Variants in AKAP6 observed in about 807,000 individuals in gnomAD.
AKAP6 encodes A-kinase anchor protein 6.
A neutral mutation model predicts 188.5 loss-of-function variants in AKAP6; 58 were observed. The ratio of observed to expected loss-of-function variants is 0.31; its 90% CI spans 0.25 to 0.38. AKAP6 has a LOEUF of 0.38. Ranked by LOEUF, AKAP6 falls within the 10% of genes least tolerant of loss-of-function variation. The pLI, the probability that AKAP6 is intolerant of heterozygous loss-of-function variation, is 1.00. For missense variants in AKAP6, 2,710 were observed against 2,740.0 expected (o/e 0.99, Z 0.24); for synonymous variants, 989 against 998.6 (o/e 0.99, Z 0.18).
intron 1 of AKAP6, among the ~76,000 whole-genome samples, chr14:32,410,654 G>C (rs1056248111): frequency 1.3e-5 from 2 of 152,070 alleles, no homozygotes; most frequent in Non-Finnish European, 2.9e-5. Flanking sequence ...TTTTTTTAAA[G>C]ATTATTATTA....
intron 2 of AKAP6, among the ~76,000 whole-genome samples, chr14:32,466,411 T>A (rs1040250012): frequency 3.3e-5 from 5 of 152,042 alleles, no homozygotes; most frequent in Admixed American, 1.3e-4. Flanking sequence ...AAAGAATGAG[T>A]TCATGTCCTT....
chr14:32,421,903 G>T (rs1316335179), intron 1 of AKAP6, among the ~76,000 whole-genome samples: 3 of 152,132 alleles, frequency 2.0e-5, no homozygotes, highest in Non-Finnish European at 4.4e-5. Flanking sequence ...CAGGGAAGAG[G>T]GCTGGGGATC....
At chr14:32,444,704 CA>C (rs1890703189) in intron 2 of AKAP6, among the ~76,000 whole-genome samples, 2 of 151,724 alleles carry the variant, frequency 1.3e-5, no homozygotes, top group South Asian at 4.2e-4. Context: ...AGAAGTCTGA[CA>C]AACTGGCCTT....
At chr14:32,748,933 A>G (rs368392208) in intron 11 of AKAP6, among the ~76,000 whole-genome samples, 1 of 152,072 alleles carries the variant, frequency 6.6e-6, no homozygotes, top group African/African-American at 2.4e-5. Flanking sequence ...TTGCATTATG[A>G]GTGCACACAC....
At chr14:32,760,179 G>C (rs781211751) in intron 11 of AKAP6, among the ~76,000 whole-genome samples, 18 of 152,128 alleles carry the variant, frequency 1.2e-4, no homozygotes, top group Non-Finnish European at 2.1e-4. Context: ...AGCAATAAAG[G>C]CATATTGAAA....
chr14:32,739,664 T>A (rs1251773053), intron 11 of AKAP6, among the ~76,000 whole-genome samples: 1 of 152,106 alleles, frequency 6.6e-6, no homozygotes, highest in Admixed American at 6.6e-5. Context: ...AACAAAATGA[T>A]CTCTGGTTCG....
chr14:32,745,495 C>G lies in AKAP6; in HGVS notation c.3372+9613C>G, dbSNP rs866946659. 7.4e-3 allele frequency among the ~76,000 whole-genome samples: 796 copies of G among 107,222 alleles called. 1 individual carries two copies. Among genetic ancestry groups the G allele is most frequent in the African/African-American group, 0.023 (749 of 32,666 alleles). The allele number at this position is 107,222 out of a possible 152,430, so 70.3% of individuals were successfully genotyped here. On this transcript the variant is annotated intron_variant, in intron 11 of 13. Transcript: ENST00000280979. ...TCTCTCTCTCTCTCTCTCTCTCTCT[C>G]TGTCTCTCTCTCTCTCTCTCTCTGT...
intron 11 of AKAP6, among the ~76,000 whole-genome samples, chr14:32,757,271 A>T (rs896980523): frequency 1.2e-4 from 18 of 152,130 alleles, no homozygotes; most frequent in Admixed American, 4.6e-4. Flanking sequence ...GTTCAAATTG[A>T]TGTGTCTGTT....
intron 7 of AKAP6, among the ~76,000 whole-genome samples, chr14:32,615,591 C>CTTTTTT (rs779867395): frequency 1.4e-4 from 16 of 115,258 alleles, no homozygotes; most frequent in East Asian, 2.3e-4. Flanking sequence ...TAAACCATTA[C>CTTTTTT]TTTTTTTTTT....
Position 32,835,483 on chromosome 14 carries a change from A to G in AKAP6, c.*5678A>G. 1 of 152,252 alleles carries G rather than the reference A, an allele frequency of 6.6e-6. No individual in the cohort carries two copies. Among genetic ancestry groups the G allele is most frequent in the East Asian group, 1.9e-4 (1 of 5,202 alleles). 9.4% of individuals were successfully genotyped at this position (152,252 alleles called of 1,614,324 possible). On this transcript the variant is annotated 3_prime_UTR_variant, in exon 14 of 14. Transcript: ENST00000280979. ...AATCAAAACCATCAGAAAAATTGACACAAACTCACTTCCATGCACCAGTAA... is the reference window on the plus strand; with the variant it reads ...AATCAAAACCATCAGAAAAATTGACGCAAACTCACTTCCATGCACCAGTAA...
At chr14:32,825,444 T>G (rs1409461254) in intron 13 of AKAP6, among the ~76,000 whole-genome samples, 1 of 152,192 alleles carries the variant, frequency 6.6e-6, no homozygotes, top group African/African-American at 2.4e-5. Flanking sequence ...GAGAACAGGC[T>G]CAGAAAGCAA....
chr14:32,658,864 C>T (rs1888566416), intron 7 of AKAP6, among the ~76,000 whole-genome samples: 1 of 151,598 alleles, frequency 6.6e-6, no homozygotes, highest in South Asian at 2.1e-4. Context: ...AGTGAAAACA[C>T]CACTTCTTCC....
At chr14:32,765,298 A>T (rs1260931922) in intron 11 of AKAP6, among the ~76,000 whole-genome samples, 4 of 152,188 alleles carry the variant, frequency 2.6e-5, no homozygotes, top group African/African-American at 9.7e-5. Context: ...ATTGGTTCAG[A>T]TGCATATAGT....
intron 11 of AKAP6, among the ~76,000 whole-genome samples, chr14:32,738,037 G>A (rs569913158): frequency 5.3e-5 from 8 of 152,240 alleles, no homozygotes; most frequent in African/African-American, 1.9e-4. Context: ...AACTCAGCAA[G>A]AGGGAAGAAA....
At chr14:32,789,939 T>C (rs1180732972) in intron 12 of AKAP6, among the ~76,000 whole-genome samples, 1 of 152,132 alleles carries the variant, frequency 6.6e-6, no homozygotes, top group African/African-American at 2.4e-5. Context: ...TACAGGAGCA[T>C]GTTGTAACCC....
chr14:32,835,190 A>G lies in AKAP6; in HGVS notation c.*5385A>G, dbSNP rs1277272547. On this transcript the variant is annotated 3_prime_UTR_variant, in exon 14 of 14. Transcript: ENST00000280979. ...TCTGATCCCTGGTCTATGATATTCT[A>G]AATTCCGACACATTTTCTTAGGATA... The G allele has an allele frequency of 6.6e-6, 1 of 152,208 alleles. No homozygotes were observed. Among genetic ancestry groups the G allele is most frequent in the African/African-American group, 2.4e-5 (1 of 41,468 alleles). The allele number at this position is 152,208 out of a possible 1,614,324, so 9.4% of individuals were successfully genotyped here.
chr14:32,822,169 C>G lies in AKAP6; in HGVS notation c.4356C>G (p.Asp1452Glu). 6.2e-7 allele frequency: 1 copy of G among 1,613,818 alleles called. No homozygotes were observed. The highest frequency in any genetic ancestry group is 1.1e-5 in the South Asian group (1 of 91,080). Reference sequence around the variant, plus strand: ...ACAGTATTACCAAACATACCCCTGACTGTTTGGGAGAAGAATTACAAGGAA... The same window carrying G: ...ACAGTATTACCAAACATACCCCTGAGTGTTTGGGAGAAGAATTACAAGGAA... Reference protein sequence around the residue: ...DLNSITKHTPDCLGEELQGKH... With the variant: ...DLNSITKHTPECLGEELQGKH... Residue 1452 changes from aspartate (D) to glutamate (E), a missense_variant, in exon 13 of 14, where the codon GAC (aspartate) becomes GAG (glutamate). Coordinates refer to ENST00000280979, the MANE Select transcript of AKAP6 (RefSeq NM_004274.5).
Position 32,510,394 on chromosome 14 carries a change from G to GTATATATATGTGTATATATATATGTGTA in AKAP6, c.325-25149_325-25148insGTATATATATATGTGTATATATATATGT, listed in dbSNP as rs1566546422. On this transcript the variant is annotated intron_variant, in intron 2 of 13. Coordinates refer to ENST00000280979, the MANE Select transcript of AKAP6 (RefSeq NM_004274.5). ...TATATATATGTGTATATATATATGT[G>GTATATATATGTGTATATATATATGTGTA]TATATATATGTATATATATGTATAT... 4.4e-3 allele frequency among the ~76,000 whole-genome samples: 277 copies of GTATATATATGTGTATATATATATGTGTA among 63,292 alleles called. 2 individuals carry two copies. The highest frequency in any genetic ancestry group is 0.013 in the African/African-American group (226 of 17,438). The allele number at this position is 63,292 out of a possible 152,430, so 41.5% of individuals were successfully genotyped here.
At chr14:32,769,302 C>T (rs923105456) in intron 11 of AKAP6, among the ~76,000 whole-genome samples, 1 of 151,926 alleles carries the variant, frequency 6.6e-6, no homozygotes, top group Non-Finnish European at 1.5e-5. Context: ...CCTGCCTCCT[C>T]CTCCCACAGT....
Sources: gnomAD v4.1 joint callset for allele counts (sites outside exome capture counted in the v4.1 genomes callset) on GRCh38, gnomAD v4.1.1 for gene constraint, MANE v1.5 for transcripts, NCBI Gene and HGNC (gene_info 2026-07-23, HGNC 2026-07-21) for gene names.